Variants in PXDNL observed in about 807,000 individuals in gnomAD.
PXDNL encodes the protein peroxidasin like.
In PXDNL, 145 loss-of-function variants were observed where a neutral mutation model predicts 150.8. The ratio of observed to expected loss-of-function variants is 0.96; its 90% CI spans 0.84 to 1.10. PXDNL has a LOEUF of 1.10. PXDNL is among the 50% of genes least tolerant of loss of function. The pLI is 0.00. For synonymous variants in PXDNL, 757 were observed against 725.7 expected, an observed-to-expected ratio of 1.04 and a Z score of -0.69; for missense variants, 2,087 against 1,873.9, an observed-to-expected ratio of 1.11 and a Z score of -2.10.
chr8:51,391,453 A>T (rs1475593316), intron 17 of PXDNL, among the ~76,000 whole-genome samples: 1 of 152,148 alleles, frequency 6.6e-6, no homozygotes, highest in African/African-American at 2.4e-5. Flanking sequence ...GTGAGATGGT[A>T]TCTCATTGTG....
At chr8:51,449,459 A>G (rs938884321) in intron 10 of PXDNL, among the ~76,000 whole-genome samples, 1 of 152,244 alleles carries the variant, frequency 6.6e-6, no homozygotes, top group Non-Finnish European at 1.5e-5. Flanking sequence ...TGTACTTTAA[A>G]CTATTAACAA....
In PXDNL at chr8:51,744,946, AAGAAAGAAAG is replaced by A. The variant is rs1256072777; in HGVS notation, c.164+64225_164+64234del. Among the ~76,000 whole-genome samples the A allele has an allele frequency of 1.4e-3, 9 of 6,212 alleles. 1 individual carries two copies. Among genetic ancestry groups the A allele is most frequent in the African/African-American group, 1.6e-3 (9 of 5,732 alleles). 4.1% of individuals were successfully genotyped at this position (6,212 alleles called of 152,430 possible). On this transcript the variant is annotated intron_variant, in intron 1 of 22. Coordinates refer to ENST00000356297, the MANE Select transcript of PXDNL (RefSeq NM_144651.5). ...AGAAAGAAAAAGAAAGAAAGAAAGA[AAGAAAGAAAG>A]AAAGAAAGAAAGAAAGAAAGAAAGA...
At chr8:51,526,886 T>C (rs978026518) in intron 4 of PXDNL, among the ~76,000 whole-genome samples, 3 of 152,154 alleles carry the variant, frequency 2.0e-5, no homozygotes, top group Non-Finnish European at 4.4e-5. Flanking sequence ...CACTTTCACA[T>C]TGGCACAGCA....
chr8:51,411,016 T>C (rs1808624135), intron 16 of PXDNL, among the ~76,000 whole-genome samples: 1 of 152,246 alleles, frequency 6.6e-6, no homozygotes, highest in Admixed American at 6.5e-5. Context: ...CTAGATTTGT[T>C]CTCTATACAT....
intron 1 of PXDNL, among the ~76,000 whole-genome samples, chr8:51,763,887 G>C (rs1007538279): frequency 5.9e-5 from 9 of 152,280 alleles, no homozygotes; most frequent in African/African-American, 1.9e-4. Context: ...GTGAAGAATT[G>C]TTAATTATCC....
chr8:51,429,498 T>C (rs1809198148), intron 12 of PXDNL, among the ~76,000 whole-genome samples: 1 of 152,052 alleles, frequency 6.6e-6, no homozygotes, highest in African/African-American at 2.4e-5. Flanking sequence ...GGAGAATTGC[T>C]TGAACTGGGG....
intron 1 of PXDNL, among the ~76,000 whole-genome samples, chr8:51,792,837 G>A (rs1458154882): frequency 6.6e-6 from 1 of 152,210 alleles, no homozygotes; most frequent in Non-Finnish European, 1.5e-5. Flanking sequence ...TGATCTTCCT[G>A]GGACTGAGCT....
intron 12 of PXDNL, among the ~76,000 whole-genome samples, chr8:51,434,395 T>C (rs1019920327): frequency 2.6e-5 from 4 of 152,368 alleles, no homozygotes; most frequent in Admixed American, 1.3e-4. Flanking sequence ...TTTCTGGCCC[T>C]ATGCCTTGTT....
Position 51,619,795 on chromosome 8 carries a change from G to A in PXDNL, c.237-27097C>T, listed in dbSNP as rs952325355. On this transcript the variant is annotated intron_variant, in intron 2 of 22. Coordinates refer to ENST00000356297, the MANE Select transcript of PXDNL (RefSeq NM_144651.5). ...GACCAGTCTCAGGTATTTCTTTATA[G>A]TAGTGCAAGAACAAACTAATACACT... Among the ~76,000 whole-genome samples, 5 of 151,586 alleles carry A rather than the reference G, an allele frequency of 3.3e-5. No homozygotes were observed. The South Asian group carries it at 8.3e-4, about 25-fold the overall frequency.
Position 51,596,468 on chromosome 8 carries a change from T to A in PXDNL, c.237-3770A>T, listed in dbSNP as rs1299536021. ...GTTCTGTTTTAAATTCTTTGAGCAATCTCCAACCTGCTTTCCACAGTGGCT... is the reference window on the plus strand; with the variant it reads ...GTTCTGTTTTAAATTCTTTGAGCAAACTCCAACCTGCTTTCCACAGTGGCT... On this transcript the variant is annotated intron_variant, in intron 2 of 22. Coordinates refer to ENST00000356297, the MANE Select transcript of PXDNL (RefSeq NM_144651.5). 2.6e-5 allele frequency among the ~76,000 whole-genome samples: 4 copies of A among 152,182 alleles called. No homozygotes were observed. The East Asian group carries it at 5.8e-4, about 22-fold the overall frequency.
At chr8:51,731,474 G>A (rs1283606409) in intron 1 of PXDNL, among the ~76,000 whole-genome samples, 1 of 152,220 alleles carries the variant, frequency 6.6e-6, no homozygotes, top group Non-Finnish European at 1.5e-5. Flanking sequence ...CTGGCGTTGA[G>A]TGTCTGCAGC....
intron 17 of PXDNL, among the ~76,000 whole-genome samples, chr8:51,405,931 C>T (rs1199369087): frequency 2.0e-5 from 3 of 152,174 alleles, no homozygotes; most frequent in African/African-American, 7.2e-5. Flanking sequence ...TGCACAGACT[C>T]TTGGGGCCAA....
At chr8:51,424,521 G>A (rs1022386732) in intron 13 of PXDNL, among the ~76,000 whole-genome samples, 5 of 131,986 alleles carry the variant, frequency 3.8e-5, no homozygotes, top group African/African-American at 1.6e-4. Context: ...ACTGATATGT[G>A]TATTATATAT....
chr8:51,324,973 C>A (rs1462767872), intron 21 of PXDNL, among the ~76,000 whole-genome samples: 1 of 152,158 alleles, frequency 6.6e-6, no homozygotes, highest in African/African-American at 2.4e-5. Flanking sequence ...TCCCTGCAAC[C>A]TCCTGCCTCA....
intron 4 of PXDNL, among the ~76,000 whole-genome samples, chr8:51,541,166 G>C (rs2130480944): frequency 6.6e-6 from 1 of 151,168 alleles, no homozygotes; most frequent in Admixed American, 6.6e-5. Context: ...GCTGAGGCAG[G>C]AGAATCACTT....
At chr8:51,496,949 A>G (rs963262674) in intron 5 of PXDNL, among the ~76,000 whole-genome samples, 6 of 152,118 alleles carry the variant, frequency 3.9e-5, no homozygotes, top group Admixed American at 1.3e-4. Flanking sequence ...AAGTTCATAT[A>G]GAACCAAAAA....
chr8:51,745,093 T>A (rs1208616668), intron 1 of PXDNL, among the ~76,000 whole-genome samples: 1 of 152,212 alleles, frequency 6.6e-6, no homozygotes, highest in Non-Finnish European at 1.5e-5. Flanking sequence ...AATTTTAAGA[T>A]GGATGTTTAT....
chr8:51,586,231 T>C (rs760248607), intron 3 of PXDNL, among the ~76,000 whole-genome samples: 2 of 152,072 alleles, frequency 1.3e-5, no homozygotes, highest in Non-Finnish European at 2.9e-5. Flanking sequence ...GATCATTGTG[T>C]GAACAAGCAC....
intron 1 of PXDNL, among the ~76,000 whole-genome samples, chr8:51,805,460 A>G (rs2037666284): frequency 6.7e-6 from 1 of 148,372 alleles, no homozygotes; most frequent in Admixed American, 6.7e-5. Context: ...AATGATATAT[A>G]TATTATATAT....
Sources: allele counts gnomAD v4.1 joint callset (sites outside exome capture counted in the v4.1 genomes callset), GRCh38; gene constraint gnomAD v4.1.1; transcripts MANE v1.5; gene names NCBI Gene and HGNC (gene_info 2026-07-23, HGNC 2026-07-21).